Variants in NUMBL observed in about 807,000 individuals in gnomAD.
NUMBL encodes NUMB like endocytic adaptor protein, also known as numb-like protein.
In NUMBL, 20 loss-of-function variants were observed where a neutral mutation model predicts 48.9. The observed-to-expected ratio is 0.41, with a 90% CI of 0.29 to 0.59. NUMBL has a LOEUF of 0.59. Ranked by LOEUF, NUMBL falls within the 20% of genes least tolerant of loss-of-function variation. NUMBL has a pLI of 0.31. For synonymous variants in NUMBL, 340 were observed against 348.7 expected (o/e 0.98, Z 0.28); for missense variants, 660 against 846.2 (o/e 0.78, Z 2.73).
intron 3 of NUMBL, 68 bp from the exon 4 acceptor site, chr19:40,683,036 T>A: frequency 7.4e-7 from 1 of 1,352,350 alleles, no homozygotes; most frequent in Non-Finnish European, 1.1e-6. Flanking sequence ...CAGTGTCCAC[T>A]GAGCATCTGC....
rs1402295669 is a variant in NUMBL, at chr19:40,665,938, G to A, written c.*1530C>T. Reference sequence around the variant, plus strand: ...AGCTATAACGAAACAAAATTTATATGTTATATATTTTTAAAAATACATCTT... The same window carrying A: ...AGCTATAACGAAACAAAATTTATATATTATATATTTTTAAAAATACATCTT... On this transcript the variant is annotated 3_prime_UTR_variant, in exon 10 of 10. Transcript: ENST00000252891. 1.3e-5 allele frequency: 2 copies of A among 152,116 alleles called. No homozygotes were observed. The highest frequency in any genetic ancestry group is 2.9e-5 in the Non-Finnish European group (2 of 68,046). 9.4% of individuals were successfully genotyped at this position (152,116 alleles called of 1,614,324 possible). A position where few individuals can be genotyped will look rare whatever the true frequency, so the allele number is the denominator to read the frequency against.
Position 40,673,230 on chromosome 19 carries a change from C to T in NUMBL, c.1036+114G>A. 8.9e-7 allele frequency: 1 copy of T among 1,129,424 alleles called. No homozygotes were observed. 70.0% of individuals were successfully genotyped at this position (1,129,424 alleles called of 1,614,324 possible). A position where few individuals can be genotyped will look rare whatever the true frequency, so the allele number is the denominator to read the frequency against. On this transcript the variant is annotated intron_variant, in intron 8 of 9. Transcript: ENST00000252891. This position sits in a 1 kb window ranked among gnomAD's most constrained non-coding sequence, Gnocchi z 5.9. ...ATGTTCCCACTCTCTCTCCTTTGCC[C>T]ATGGCAGACAGTGCAAATCAATCAC...
intron 6 of NUMBL, among the ~76,000 whole-genome samples, chr19:40,678,028 C>G (rs1032557511): frequency 1.3e-5 from 2 of 152,142 alleles, no homozygotes; most frequent in African/African-American, 4.8e-5. Context: ...ATAGACTAAA[C>G]GTGTGTGTCT....
chr19:40,680,965 C>T lies in NUMBL; in HGVS notation c.492G>A (p.Gly164=). 1 of 1,614,128 alleles carries T rather than the reference C, an allele frequency of 6.2e-7. No individual in the cohort carries two copies. Among genetic ancestry groups the T allele is most frequent in the Non-Finnish European group, 8.5e-7 (1 of 1,180,020 alleles). ...AGTGGCAGATCCAGCGGCGGGTAGT[C>T]CCGTCACGACAGATATAGGAGAAAG... ...DKAFSYICRD[G]TTRRWICHCF... is the part of the protein sequence containing the mutation. The change falls in exon 6 of 10, where the codon GGG becomes GGA. Residue 164 remains glycine, a synonymous_variant. Transcript: ENST00000252891.
chr19:40,669,446 CAT>C (rs1219360834), intron 9 of NUMBL, among the ~76,000 whole-genome samples: 23 of 151,856 alleles, frequency 1.5e-4, no homozygotes, highest in Non-Finnish European at 2.9e-4. Context: ...AAGGTGATCA[CAT>C]GATTCTTAGG....
At chr19:40,683,555 C>A (rs2561541) in intron 3 of NUMBL, among the ~76,000 whole-genome samples, 1 of 152,010 alleles carries the variant, frequency 6.6e-6, no homozygotes, top group South Asian at 2.1e-4. Context: ...GGGAAGGGAA[C>A]GTAAGGTGGT....
intron 8 of NUMBL, 100 bp from the exon 9 acceptor site, chr19:40,670,120 G>T: frequency 7.0e-7 from 1 of 1,434,114 alleles, no homozygotes; most frequent in South Asian, 1.4e-5. Flanking sequence ...TTCTGACCTG[G>T]ATCCTTTCCC....
intron 9 of NUMBL, 92 bp from the exon 10 acceptor site, chr19:40,668,230 C>CACG: frequency 6.8e-7 from 1 of 1,462,942 alleles, no homozygotes; most frequent in Non-Finnish European, 9.1e-7. Context: ...GGGATCAGAG[C>CACG]ACGGACTCTG....
intron 6 of NUMBL, 131 bp from the exon 7 acceptor site, chr19:40,677,552 C>T (rs746122718): frequency 5.5e-6 from 4 of 724,004 alleles, no homozygotes; most frequent in Non-Finnish European, 8.9e-6. Flanking sequence ...GGCCTCAGTG[C>T]TCATCTGCAC....
At chr19:40,671,720 G>A (rs887003386) in intron 8 of NUMBL, among the ~76,000 whole-genome samples, 9 of 152,040 alleles carry the variant, frequency 5.9e-5, no homozygotes, top group African/African-American at 1.7e-4. Context: ...AGGACATAAC[G>A]GGTAGGCGAT....
intron 6 of NUMBL, 23 bp from the exon 7 acceptor site, chr19:40,677,444 G>T (rs1180778047): frequency 1.3e-6 from 2 of 1,598,722 alleles, no homozygotes; most frequent in East Asian, 4.5e-5. Context: ...GATGGGCGGG[G>T]GGGTTAGAGG....
chr19:40,690,071 G>A (rs1400738312), intron 1 of NUMBL: 3 of 171,728 alleles, frequency 1.7e-5, no homozygotes, highest in African/African-American at 7.1e-5. Context: ...ACCCCCTTAG[G>A]CAGGGAGAGG....
rs1349389055 is a variant in NUMBL, at chr19:40,673,697, C to T, written c.731-48G>A. 1.4e-6 allele frequency: 2 copies of T among 1,428,726 alleles called. No homozygotes were observed. Among genetic ancestry groups the T allele is most frequent in the South Asian group, 2.9e-5 (2 of 68,450 alleles). The allele number at this position is 1,428,726 out of a possible 1,614,324, so 88.5% of individuals were successfully genotyped here. On this transcript the variant is annotated intron_variant, in intron 7 of 9. Transcript: ENST00000252891. The surrounding 1 kb of genome is among the most constrained non-coding windows in gnomAD (Gnocchi z 5.9). ...TGGTTAGATATCTCACCATGGCATG[C>T]AAGGCCTCTCCCACCTGGTTCTCTT...
In NUMBL at chr19:40,682,990, G is replaced by GGT. The variant is rs745341012; in HGVS notation, c.250-23_250-22insAC. 3.7e-6 allele frequency: 6 copies of GGT among 1,609,020 alleles called. No individual in the cohort carries two copies. The East Asian group carries it at 8.9e-5, about 24-fold the overall frequency. On this transcript the variant is annotated intron_variant, in intron 3 of 9. Transcript: ENST00000252891. The surrounding 1 kb of genome is among the most constrained non-coding windows in gnomAD (Gnocchi z 4.0). The stretch of plus-strand genomic sequence containing the variant: ...GGTACTTGGGTTGGAGGGAATGGGG[G>GGT]GGGGGACATGAAACAGCACAGTAAT...
rs1036643337 is a variant in NUMBL, at chr19:40,687,154, C to G, written c.25-159G>C. ...AACTGTTACCAGGGAGATCAGCCAC[C>G]TGGTTCCAAGGGCCCAGGAAGGAGT... On this transcript the variant is annotated intron_variant, in intron 1 of 9. Coordinates refer to ENST00000252891, the MANE Select transcript of NUMBL (RefSeq NM_004756.5). The surrounding 1 kb of genome is among the most constrained non-coding windows in gnomAD (Gnocchi z 4.6). Among the ~76,000 whole-genome samples, 1 of 152,200 alleles carries G rather than the reference C, an allele frequency of 6.6e-6. No homozygotes were observed. Among genetic ancestry groups the G allele is most frequent in the African/African-American group, 2.4e-5 (1 of 41,442 alleles).
At chr19:40,681,291 G>A (rs1488931462) in intron 5 of NUMBL, among the ~76,000 whole-genome samples, 1 of 152,176 alleles carries the variant, frequency 6.6e-6, no homozygotes, top group Non-Finnish European at 1.5e-5. Flanking sequence ...GGCCCAGGCA[G>A]AGGGGTCAGG....
At position 40,690,486 on chromosome 19, in the gene NUMBL, A is replaced by C. The variant is rs1189491900; in HGVS notation, c.-3T>G. The stretch of plus-strand genomic sequence containing the variant: ...CTGGCCGCCGCGCTGCGGGACATCC[A>C]GGGCCCGGGCGCCCCCGCCTCCCGC... On this transcript the variant is annotated 5_prime_UTR_variant, in exon 1 of 10. Transcript: ENST00000252891. 3 of 1,288,936 alleles carry C rather than the reference A, an allele frequency of 2.3e-6. No homozygotes were observed. The highest frequency in any genetic ancestry group is 3.0e-6 in the Non-Finnish European group (3 of 1,015,968). 79.8% of individuals were successfully genotyped at this position (1,288,936 alleles called of 1,614,324 possible). A position where few individuals can be genotyped will look rare whatever the true frequency, so the allele number is the denominator to read the frequency against.
chr19:40,686,246 C>T (rs2081933836), intron 2 of NUMBL: 1 of 152,330 alleles, frequency 6.6e-6, no homozygotes, highest in African/African-American at 2.4e-5. Flanking sequence ...CCTCTGCCTC[C>T]CAGGTTCAAG....
chr19:40,683,201 CT>C (rs1455059815), intron 3 of NUMBL, among the ~76,000 whole-genome samples: 1 of 152,200 alleles, frequency 6.6e-6, no homozygotes, highest in Admixed American at 6.5e-5. Context: ...AGCTATACCC[CT>C]GGGCCCTAAC....
Sources: gnomAD v4.1 joint callset for allele counts (sites outside exome capture counted in the v4.1 genomes callset) on GRCh38, gnomAD v4.1.1 for gene constraint, Gnocchi (gnomAD v3.1) non-coding constraint, MANE v1.5 for transcripts, NCBI Gene and HGNC (gene_info 2026-07-23, HGNC 2026-07-21) for gene names.